Variants in MTMR2 observed in about 807,000 individuals in gnomAD.
MTMR2 encodes phosphatidylinositol-3,5-bisphosphate 3-phosphatase MTMR2.
Under a neutral mutation model 86.9 loss-of-function variants are expected in MTMR2, and 55 were observed. That is an observed-to-expected ratio of 0.63 (90% CI 0.51 to 0.79). MTMR2 has a LOEUF of 0.79. Ranked by LOEUF, MTMR2 falls within the 30% of genes least tolerant of loss-of-function variation. MTMR2 has a pLI of 0.00. For synonymous variants in MTMR2, 241 were observed against 266.8 expected, an observed-to-expected ratio of 0.90 and a Z score of 0.94; for missense variants, 659 against 772.3, an observed-to-expected ratio of 0.85 and a Z score of 1.74.
At chr11:95,835,920 C>G (rs997066945) in intron 14 of MTMR2, among the ~76,000 whole-genome samples, 1 of 151,918 alleles carries the variant, frequency 6.6e-6, no homozygotes, top group African/African-American at 2.4e-5. Flanking sequence ...AGGGAAGATG[C>G]AAGAAAAGAG....
intron 2 of MTMR2, among the ~76,000 whole-genome samples, chr11:95,874,446 G>A (rs1439645737): frequency 6.6e-6 from 1 of 151,968 alleles, no homozygotes; most frequent in African/African-American, 2.4e-5. Context: ...CCATTTGCTT[G>A]GTAGATCTTC....
At chr11:95,916,750 G>A (rs547137317) in intron 1 of MTMR2, among the ~76,000 whole-genome samples, 1 of 151,870 alleles carries the variant, frequency 6.6e-6, no homozygotes, top group Non-Finnish European at 1.5e-5. Flanking sequence ...CACAGCATTT[G>A]CTCTTATTTA....
chr11:95,921,281 G>T (rs557619117), intron 1 of MTMR2, among the ~76,000 whole-genome samples: 1 of 152,270 alleles, frequency 6.6e-6, no homozygotes, highest in South Asian at 2.1e-4. Flanking sequence ...CTATTATTCT[G>T]CCAGAGATAT....
intron 2 of MTMR2, among the ~76,000 whole-genome samples, chr11:95,879,952 C>G (rs932340643): frequency 6.6e-6 from 1 of 152,152 alleles, no homozygotes; most frequent in East Asian, 1.9e-4. Flanking sequence ...ATCTTTACCA[C>G]TCAGCAGAGT....
chr11:95,850,031 G>T (rs911882317), intron 8 of MTMR2, among the ~76,000 whole-genome samples, 169 bp from the exon 9 acceptor site: 1 of 152,082 alleles, frequency 6.6e-6, no homozygotes, highest in Non-Finnish European at 1.5e-5. Flanking sequence ...GCCAATTCTG[G>T]GATGTGGAAA....
At chr11:95,860,483 A>G (rs1171462433) in intron 5 of MTMR2, among the ~76,000 whole-genome samples, 1 of 152,206 alleles carries the variant, frequency 6.6e-6, no homozygotes, top group African/African-American at 2.4e-5. Context: ...CCTAAGCAAC[A>G]GAGCCAGACT....
intron 1 of MTMR2, among the ~76,000 whole-genome samples, chr11:95,897,230 C>T (rs1189286827): frequency 6.6e-6 from 1 of 152,048 alleles, no homozygotes; most frequent in East Asian, 1.9e-4. Context: ...CTAAAGTGGT[C>T]CAGGGCTTCT....
intron 5 of MTMR2, among the ~76,000 whole-genome samples, chr11:95,860,227 C>T (rs1565357897): frequency 6.6e-6 from 1 of 152,186 alleles, no homozygotes; most frequent in Non-Finnish European, 1.5e-5. Context: ...ACAGGCCAGG[C>T]ACAGTGGCTC....
chr11:95,837,622 C>T (rs551717557), intron 13 of MTMR2, among the ~76,000 whole-genome samples: 305 of 152,024 alleles, frequency 2.0e-3, no homozygotes, highest in African/African-American at 6.8e-3. Context: ...CTATCTTTTC[C>T]GTATTTGAAT....
intron 5 of MTMR2, among the ~76,000 whole-genome samples, chr11:95,860,204 A>C (rs1035375294): frequency 1.3e-5 from 2 of 152,110 alleles, no homozygotes; most frequent in Non-Finnish European, 2.9e-5. Context: ...CCTTCTGACT[A>C]TAATGGAAAA....
chr11:95,905,643 C>T (rs1249942310), intron 1 of MTMR2, among the ~76,000 whole-genome samples: 1 of 152,070 alleles, frequency 6.6e-6, no homozygotes, highest in Non-Finnish European at 1.5e-5. Context: ...TGGTTCTTTG[C>T]TAATGTTTTC....
chr11:95,850,351 A>G (rs763859076), intron 8 of MTMR2, among the ~76,000 whole-genome samples: 1 of 152,188 alleles, frequency 6.6e-6, no homozygotes. Flanking sequence ...TAATACACAC[A>G]GCAAACTTTT....
chr11:95,869,117 TG>T (rs1396229719), intron 2 of MTMR2, among the ~76,000 whole-genome samples: 8 of 152,014 alleles, frequency 5.3e-5, no homozygotes, highest in African/African-American at 1.9e-4. Flanking sequence ...TACTACGCTC[TG>T]AGTCTTAGTT....
At chr11:95,886,773 C>A (rs1865527140) in intron 2 of MTMR2, among the ~76,000 whole-genome samples, 1 of 152,110 alleles carries the variant, frequency 6.6e-6, no homozygotes, top group South Asian at 2.1e-4. Context: ...TATGCCAAGA[C>A]ATTTCAAAAT....
At position 95,865,633 on chromosome 11, in the gene MTMR2, G is replaced by A. The variant is rs377327553; in HGVS notation, c.230C>T (p.Pro77Leu). ...TTTAATATTTTCTCCTGGAAGCAAG[G>A]GTGGTTCTTCCATTTCTGCTAACTT... The part of the protein sequence containing the change: ...SNKLAEMEEP[P>L]LLPGENIKDM... Residue 77 changes from proline (P) to leucine (L), a missense_variant, in exon 3 of 15, where the codon CCC becomes CTC. Physicochemically the swap from Pro to Leu is moderately conservative, Grantham distance 98. Transcript: ENST00000346299. 6.2e-6 allele frequency: 10 copies of A among 1,613,796 alleles called. No individual in the cohort carries two copies. The African/African-American group carries it at 1.1e-4, about 17-fold the overall frequency.
chr11:95,865,566 G>T, intron 3 of MTMR2, 35 bp downstream of exon 3: 1 of 1,571,524 alleles, frequency 6.4e-7, no homozygotes, highest in Non-Finnish European at 8.8e-7. Flanking sequence ...CAGTAGAACG[G>T]AGAAGGACAT....
intron 1 of MTMR2, chr11:95,923,583 G>T: frequency 9.8e-7 from 1 of 1,020,728 alleles, no homozygotes; most frequent in Non-Finnish European, 1.3e-6. Context: ...GGTTTGAGAG[G>T]GAATGAAAGA....
chr11:95,874,408 G>C (rs1210514400), intron 2 of MTMR2, among the ~76,000 whole-genome samples: 2 of 152,084 alleles, frequency 1.3e-5, no homozygotes, highest in Admixed American at 6.6e-5. Flanking sequence ...CAGAGACTAG[G>C]ATTGCAACCC....
At position 95,835,129 on chromosome 11, in the gene MTMR2, G is replaced by A; in HGVS notation, c.*161C>T. On this transcript the variant is annotated 3_prime_UTR_variant, in exon 15 of 15. Transcript: ENST00000346299. ...TGGAGTTACTTCACTTAAGCCACCTGCACTGCTACAGTTCTAAACTCATCC... is the reference window on the plus strand; with the variant it reads ...TGGAGTTACTTCACTTAAGCCACCTACACTGCTACAGTTCTAAACTCATCC... 1.4e-6 allele frequency: 1 copy of A among 719,436 alleles called. No homozygotes were observed. The highest frequency in any genetic ancestry group is 2.7e-5 in the East Asian group (1 of 36,772). The allele number at this position is 719,436 out of a possible 1,614,324, so 44.6% of individuals were successfully genotyped here.
Sources: allele counts gnomAD v4.1 joint callset (sites outside exome capture counted in the v4.1 genomes callset), GRCh38; gene constraint gnomAD v4.1.1; transcripts MANE v1.5; gene names NCBI Gene and HGNC (gene_info 2026-07-23, HGNC 2026-07-21).